AMPH: variants seen among roughly 807,000 people sequenced by gnomAD.
AMPH encodes the protein amphiphysin (Stiff-Mann syndrome with breast cancer 128kD autoantigen).
In AMPH, 49 loss-of-function variants were observed where a neutral mutation model predicts 99.1. The observed-to-expected ratio is 0.49, with a 90% CI of 0.39 to 0.63. The LOEUF is 0.63. Among genes scored for constraint, AMPH ranks in the 20% least tolerant of loss-of-function variants. The pLI is 0.00. For missense variants in AMPH, 759 were observed against 863.4 expected, an observed-to-expected ratio of 0.88 and a Z score of 1.52; for synonymous variants, 314 against 317.3, an observed-to-expected ratio of 0.99 and a Z score of 0.11.
At chr7:38,609,332 A>G (rs1793543669) in intron 1 of AMPH, among the ~76,000 whole-genome samples, 1 of 152,180 alleles carries the variant, frequency 6.6e-6, no homozygotes, top group African/African-American at 2.4e-5. Flanking sequence ...TTGGGTGCCA[A>G]TAAAGGCCCT....
At chr7:38,490,875 C>T (rs1447445112) in intron 5 of AMPH, among the ~76,000 whole-genome samples, 175 bp downstream of exon 5, 1 of 152,140 alleles carries the variant, frequency 6.6e-6, no homozygotes, top group Admixed American at 6.6e-5. Flanking sequence ...TCTGTAATGA[C>T]GTTTCTTTTC....
At chr7:38,452,449 A>G (rs1016537912) in intron 11 of AMPH, among the ~76,000 whole-genome samples, 20 of 152,138 alleles carry the variant, frequency 1.3e-4, no homozygotes, top group Non-Finnish European at 1.5e-5. Flanking sequence ...AGATTATCAA[A>G]TACATTATTG....
chr7:38,623,824 A>T (rs1161089821), intron 1 of AMPH, among the ~76,000 whole-genome samples: 1 of 152,196 alleles, frequency 6.6e-6, no homozygotes, highest in African/African-American at 2.4e-5. Context: ...AAGAATCCAA[A>T]TGTCACACAA....
At chr7:38,619,266 A>G (rs1793974392) in intron 1 of AMPH, among the ~76,000 whole-genome samples, 1 of 152,254 alleles carries the variant, frequency 6.6e-6, no homozygotes, top group South Asian at 2.1e-4. Context: ...ACCGTATCAG[A>G]TAAAAATGGA....
chr7:38,474,580 C>T (rs1788014224), intron 7 of AMPH, among the ~76,000 whole-genome samples: 1 of 152,034 alleles, frequency 6.6e-6, no homozygotes, highest in South Asian at 2.1e-4. Context: ...GAGGCAAATC[C>T]ATCTAGTTGG....
chr7:38,466,455 G>A (rs1787656605), intron 7 of AMPH, among the ~76,000 whole-genome samples: 1 of 151,830 alleles, frequency 6.6e-6, no homozygotes, highest in South Asian at 2.1e-4. Context: ...TTGGCATAGA[G>A]CATGACCTCT....
intron 15 of AMPH, among the ~76,000 whole-genome samples, chr7:38,423,457 G>T (rs1022356286): frequency 6.6e-6 from 1 of 152,224 alleles, no homozygotes; most frequent in Non-Finnish European, 1.5e-5. Flanking sequence ...GAAAAGATGA[G>T]CCAGTGCCTT....
intron 1 of AMPH, among the ~76,000 whole-genome samples, chr7:38,537,928 A>G (rs1384814511): frequency 2.0e-5 from 3 of 152,344 alleles, no homozygotes; most frequent in African/African-American, 7.2e-5. Context: ...CAGGGAGAAG[A>G]AAAGACCCAA....
chr7:38,627,748 G>C (rs1794309215), intron 1 of AMPH, among the ~76,000 whole-genome samples: 2 of 151,504 alleles, frequency 1.3e-5, no homozygotes, highest in Admixed American at 6.6e-5. Flanking sequence ...GCTACTATAG[G>C]TAAGATATTC....
At chr7:38,484,617 A>G (rs1305365202) in intron 5 of AMPH, among the ~76,000 whole-genome samples, 1 of 152,108 alleles carries the variant, frequency 6.6e-6, no homozygotes, top group Non-Finnish European at 1.5e-5. Flanking sequence ...ACATGAAATT[A>G]AAGGACACTA....
At chr7:38,553,232 G>C (rs752572089) in intron 1 of AMPH, among the ~76,000 whole-genome samples, 1 of 152,178 alleles carries the variant, frequency 6.6e-6, no homozygotes, top group Non-Finnish European at 1.5e-5. Flanking sequence ...ACTGGTCTTT[G>C]GGGGCCTCAA....
chr7:38,494,023 C>G (rs183026397), intron 4 of AMPH, among the ~76,000 whole-genome samples: 1 of 152,156 alleles, frequency 6.6e-6, no homozygotes, highest in East Asian at 1.9e-4. Flanking sequence ...GTGGTGCGAT[C>G]TTGGCTCACT....
chr7:38,571,497 A>G (rs1238653319), intron 1 of AMPH, among the ~76,000 whole-genome samples: 3 of 134,664 alleles, frequency 2.2e-5, no homozygotes, highest in Non-Finnish European at 4.7e-5. Flanking sequence ...TTCTATATAA[A>G]TATATTCTAT....
chr7:38,388,681 C>G lies in AMPH; in HGVS notation c.1980+1123G>C, dbSNP rs139546134. Reference sequence around the variant, plus strand: ...TTGAGACGGGGTCTTGCTCTGTTACCCAGGCTGGAGTGCAGTGGTGTGATC... The same window carrying G: ...TTGAGACGGGGTCTTGCTCTGTTACGCAGGCTGGAGTGCAGTGGTGTGATC... On this transcript the variant is annotated intron_variant, in intron 20 of 20. Transcript: ENST00000356264. 3.5e-3 allele frequency among the ~76,000 whole-genome samples: 499 copies of G among 143,274 alleles called. 4 individuals are homozygous for G. The highest frequency in any genetic ancestry group is 0.012 in the African/African-American group (477 of 38,920). 94.0% of individuals were successfully genotyped at this position (143,274 alleles called of 152,430 possible). A position where few individuals can be genotyped will look rare whatever the true frequency, so the allele number is the denominator to read the frequency against.
intron 12 of AMPH, among the ~76,000 whole-genome samples, chr7:38,435,104 A>C (rs570963553): frequency 4.6e-5 from 7 of 152,348 alleles, no homozygotes; most frequent in African/African-American, 1.7e-4. Context: ...TCTAGAAGAG[A>C]GTTAATACAG....
Position 38,574,185 on chromosome 7 carries a change from T to C in AMPH, c.70-39174A>G, listed in dbSNP as rs147267106. Reference sequence around the variant, plus strand: ...TTCCCACAACGAGTGATGCCAACTTTATCACATATATTCTTATTTTCCTTG... The same window carrying C: ...TTCCCACAACGAGTGATGCCAACTTCATCACATATATTCTTATTTTCCTTG... On this transcript the variant is annotated intron_variant, in intron 1 of 20. Coordinates refer to ENST00000356264, the MANE Select transcript of AMPH (RefSeq NM_001635.4). Among the ~76,000 whole-genome samples, 14 of 152,370 alleles carry C rather than the reference T, an allele frequency of 9.2e-5. No individual in the cohort carries two copies. The South Asian group carries it at 2.1e-3, about 23-fold the overall frequency.
chr7:38,429,335 G>A (rs1483219800), intron 14 of AMPH: 2 of 1,289,056 alleles, frequency 1.6e-6, no homozygotes, highest in East Asian at 5.5e-5. Context: ...CAGTGGGCCA[G>A]TCAGCAGACG....
At chr7:38,420,131 C>T (rs888206067) in intron 16 of AMPH, among the ~76,000 whole-genome samples, 1 of 152,142 alleles carries the variant, frequency 6.6e-6, no homozygotes, top group Admixed American at 6.5e-5. Context: ...TACAATATGG[C>T]ATTACAACTT....
At chr7:38,406,731 CCTCTCTCTCTCTCTCT>C (rs56738810) in intron 17 of AMPH, among the ~76,000 whole-genome samples, 8 of 80,582 alleles carry the variant, frequency 9.9e-5, no homozygotes, top group African/African-American at 2.7e-4. Flanking sequence ...TCTCCCTTTC[CCTCTCTCTCTCTCTCT>C]CTCTCTCTCT....
Sources: allele counts gnomAD v4.1 joint callset (sites outside exome capture counted in the v4.1 genomes callset), GRCh38; gene constraint gnomAD v4.1.1; transcripts MANE v1.5; gene names NCBI Gene and HGNC (gene_info 2026-07-23, HGNC 2026-07-21).